Variants in PCDH15 observed in about 807,000 individuals in gnomAD.
PCDH15 encodes the protein protocadherin related 15.
A neutral mutation model predicts 178.5 loss-of-function variants in PCDH15; 129 were observed. The ratio of observed to expected loss-of-function variants is 0.72; its 90% CI spans 0.63 to 0.84. PCDH15 has a LOEUF of 0.84. PCDH15 is among the 40% of genes least tolerant of loss of function. The pLI is 0.00. For synonymous variants in PCDH15, 800 were observed against 732.0 expected, an observed-to-expected ratio of 1.09 and a Z score of -1.50; for missense variants, 2,230 against 2,099.9, an observed-to-expected ratio of 1.06 and a Z score of -1.21.
chr10:54,866,022 T>G (rs1291077427), intron 3 of PCDH15, among the ~76,000 whole-genome samples: 2 of 152,146 alleles, frequency 1.3e-5, no homozygotes, highest in African/African-American at 4.8e-5. Flanking sequence ...GATCAAGATT[T>G]TTGTGAGGAC....
intron 2 of PCDH15, among the ~76,000 whole-genome samples, chr10:55,152,247 T>G (rs1423402129): frequency 6.6e-6 from 1 of 152,110 alleles, no homozygotes; most frequent in Non-Finnish European, 1.5e-5. Context: ...TCAAACATAA[T>G]ATTTCTACAG....
At chr10:53,888,338 A>G (rs1181661368) in intron 26 of PCDH15, among the ~76,000 whole-genome samples, 3 of 72,612 alleles carry the variant, frequency 4.1e-5, no homozygotes, top group Admixed American at 1.9e-4. Context: ...ATATGTACGT[A>G]TATATATATA....
intron 2 of PCDH15, among the ~76,000 whole-genome samples, chr10:55,423,861 T>C (rs1043930950): frequency 3.3e-5 from 5 of 152,146 alleles, no homozygotes; most frequent in Non-Finnish European, 7.4e-5. Context: ...TTATCTTCAT[T>C]TTTAAAATGT....
chr10:54,262,576 T>C (rs568965324), intron 8 of PCDH15, among the ~76,000 whole-genome samples: 96 of 152,120 alleles, frequency 6.3e-4, no homozygotes, highest in African/African-American at 2.3e-3. Context: ...GTGAGCTCAG[T>C]CCCGTGAGCC....
intron 2 of PCDH15, among the ~76,000 whole-genome samples, chr10:54,586,191 T>G (rs1261088846): frequency 2.6e-5 from 4 of 152,134 alleles, no homozygotes; most frequent in African/African-American, 9.7e-5. Flanking sequence ...TGGAGTAAAT[T>G]TTTAAATTTT....
intron 13 of PCDH15, among the ~76,000 whole-genome samples, chr10:54,163,941 T>C (rs563441600): frequency 2.0e-5 from 3 of 152,154 alleles, no homozygotes; most frequent in Non-Finnish European, 4.4e-5. Flanking sequence ...TTTGTAAGTA[T>C]GGGCATTATC....
intron 2 of PCDH15, among the ~76,000 whole-genome samples, chr10:54,598,507 A>C (rs1386562478): frequency 6.6e-6 from 1 of 152,166 alleles, no homozygotes; most frequent in Non-Finnish European, 1.5e-5. Context: ...GCAAACCCAC[A>C]GCCAACATCA....
chr10:54,076,807 C>T (rs7922884), intron 17 of PCDH15, among the ~76,000 whole-genome samples: 1 of 151,912 alleles, frequency 6.6e-6, no homozygotes, highest in Admixed American at 6.6e-5. Flanking sequence ...TGGTAGAAAA[C>T]GTGTATTCTC....
chr10:54,036,467 T>A (rs1198300591), intron 18 of PCDH15, among the ~76,000 whole-genome samples: 1 of 129,216 alleles, frequency 7.7e-6, no homozygotes, highest in Non-Finnish European at 1.8e-5. Flanking sequence ...CTGTCTGTGA[T>A]CAATAAATGG....
intron 18 of PCDH15, among the ~76,000 whole-genome samples, chr10:54,046,053 A>G (rs1343119904): frequency 2.0e-5 from 3 of 152,172 alleles, no homozygotes; most frequent in African/African-American, 7.2e-5. Context: ...GCATTTCGGA[A>G]AAGACGAAAT....
At chr10:54,666,722 G>A (rs1287448084) in intron 1 of PCDH15, among the ~76,000 whole-genome samples, 1 of 151,930 alleles carries the variant, frequency 6.6e-6, no homozygotes. Context: ...GAAAAGATAT[G>A]TATTAGAAAA....
chr10:54,343,364 G>A (rs1942618680), intron 6 of PCDH15, among the ~76,000 whole-genome samples: 1 of 152,068 alleles, frequency 6.6e-6, no homozygotes, highest in Admixed American at 6.6e-5. Context: ...TGCCATGTAA[G>A]ATGTTCCTTC....
chr10:54,494,737 C>T (rs2079950861), intron 3 of PCDH15, among the ~76,000 whole-genome samples: 1 of 152,060 alleles, frequency 6.6e-6, no homozygotes, highest in Non-Finnish European at 1.5e-5. Flanking sequence ...CTTTCTTCAC[C>T]TCACAATAAT....
At chr10:55,488,580 TATTA>T (rs1292969912) in intron 2 of PCDH15, among the ~76,000 whole-genome samples, 2 of 151,586 alleles carry the variant, frequency 1.3e-5, no homozygotes, top group African/African-American at 2.4e-5. Context: ...AGACCATTAT[TATTA>T]ATTAAGTATT....
chr10:54,669,904 A>G (rs2094631516), intron 1 of PCDH15, among the ~76,000 whole-genome samples: 1 of 151,714 alleles, frequency 6.6e-6, no homozygotes, highest in Non-Finnish European at 1.5e-5. Context: ...AATATAAAAT[A>G]TTAGCTGGGT....
chr10:55,164,660 G>A (rs978872308), intron 2 of PCDH15, among the ~76,000 whole-genome samples: 2 of 151,948 alleles, frequency 1.3e-5, no homozygotes, highest in Non-Finnish European at 2.9e-5. Flanking sequence ...TCCAAGGAGA[G>A]AAACAGATTT....
At chr10:55,087,144 A>C (rs1842191967) in intron 2 of PCDH15, among the ~76,000 whole-genome samples, 1 of 152,164 alleles carries the variant, frequency 6.6e-6, no homozygotes, top group Admixed American at 6.6e-5. Flanking sequence ...ACTTGTTAAA[A>C]GAATGTGATT....
At chr10:55,143,678 T>G (rs1838415021) in intron 2 of PCDH15, among the ~76,000 whole-genome samples, 1 of 152,088 alleles carries the variant, frequency 6.6e-6, no homozygotes, top group Non-Finnish European at 1.5e-5. Flanking sequence ...GTTCTATATT[T>G]CAAGTAGAGA....
intron 28 of PCDH15, among the ~76,000 whole-genome samples, chr10:53,853,895 G>A (rs1042511142): frequency 1.3e-5 from 2 of 151,896 alleles, no homozygotes; most frequent in African/African-American, 4.8e-5. Flanking sequence ...ATATGATTTA[G>A]CAATCCCACT....
Sources: gnomAD v4.1 joint callset for allele counts (sites outside exome capture counted in the v4.1 genomes callset) on GRCh38, gnomAD v4.1.1 for gene constraint, MANE v1.5 for transcripts, NCBI Gene and HGNC (gene_info 2026-07-23, HGNC 2026-07-21) for gene names.